PDE1C: variants seen among roughly 807,000 people sequenced by gnomAD.
PDE1C encodes dual specificity calcium/calmodulin-dependent 3',5'-cyclic nucleotide phosphodiesterase 1C.
Under a neutral mutation model 93.1 loss-of-function variants are expected in PDE1C, and 62 were observed. That is an observed-to-expected ratio of 0.67 (90% CI 0.54 to 0.82). The LOEUF is 0.82. Among genes scored for constraint, PDE1C ranks in the 40% least tolerant of loss-of-function variants. The pLI, the probability that PDE1C is intolerant of heterozygous loss-of-function variation, is 0.00. For synonymous variants in PDE1C, 325 were observed against 310.1 expected, an observed-to-expected ratio of 1.05 and a Z score of -0.50; for missense variants, 742 against 884.6, an observed-to-expected ratio of 0.84 and a Z score of 2.04.
chr7:31,859,786 G>T (rs916640008), intron 7 of PDE1C, among the ~76,000 whole-genome samples: 13 of 151,914 alleles, frequency 8.6e-5, no homozygotes, highest in East Asian at 3.9e-4. Context: ...TCAATTTACT[G>T]TTTATCTTTT....
intron 11 of PDE1C, among the ~76,000 whole-genome samples, chr7:31,830,453 G>A (rs1416986735): frequency 6.6e-6 from 1 of 152,110 alleles, no homozygotes; most frequent in Non-Finnish European, 1.5e-5. Context: ...TGCAGTAGGG[G>A]TTAAGATAAC....
At chr7:32,378,122 A>G (rs1004767780) in intron 1 of PDE1C, among the ~76,000 whole-genome samples, 2 of 152,134 alleles carry the variant, frequency 1.3e-5, no homozygotes, top group African/African-American at 4.8e-5. Context: ...CCATGTTAGG[A>G]GTCCTACCAA....
the PDE1C span, among the ~76,000 whole-genome samples, chr7:31,663,294 C>T: frequency 1.3e-5 from 2 of 152,330 alleles, no homozygotes; most frequent in East Asian, 3.9e-4. Context: ...CTGCTATCCC[C>T]AATTCCGCCA....
intron 1 of PDE1C, among the ~76,000 whole-genome samples, chr7:32,374,299 G>GAAAGAAAGAAAGAAAGAA (rs1562696081): frequency 6.7e-6 from 1 of 149,592 alleles, no homozygotes; most frequent in African/African-American, 2.5e-5. Context: ...AAGAAAGAAA[G>GAAAGAAAGAAAGAAAGAA]AAAGAAAGAA....
the PDE1C span, among the ~76,000 whole-genome samples, chr7:31,735,086 C>G: frequency 6.6e-6 from 1 of 152,146 alleles, no homozygotes; most frequent in African/African-American, 2.4e-5. Flanking sequence ...GATTTGTAAG[C>G]ACTTGATTAA....
intron 3 of PDE1C, among the ~76,000 whole-genome samples, chr7:32,078,919 C>T (rs1309188704): frequency 1.4e-5 from 2 of 143,988 alleles, no homozygotes; most frequent in Non-Finnish European, 1.5e-5. Context: ...GAGCAAGACT[C>T]ACTCTCTCAA....
chr7:32,241,829 A>G (rs563292654), intron 1 of PDE1C, among the ~76,000 whole-genome samples: 7 of 152,280 alleles, frequency 4.6e-5, no homozygotes, highest in Admixed American at 3.9e-4. Context: ...TGCTGTATCC[A>G]CAGAGAGGAG....
At chr7:31,643,513 AG>A in the PDE1C span, 1 of 1,614,044 alleles carries the variant, frequency 6.2e-7, no homozygotes, top group East Asian at 2.2e-5. Flanking sequence ...GATGTCCTCC[AG>A]CCTGGTGTCG....
At chr7:31,731,792 A>G in the PDE1C span, among the ~76,000 whole-genome samples, 1 of 152,250 alleles carries the variant, frequency 6.6e-6, no homozygotes, top group African/African-American at 2.4e-5. Flanking sequence ...TCTTGCCGTC[A>G]GCCAATGTGG....
At chr7:31,656,610 C>A in the PDE1C span, 2 of 435,066 alleles carry the variant, frequency 4.6e-6, no homozygotes, top group Non-Finnish European at 3.1e-6. Flanking sequence ...AATTATCAGT[C>A]TCAGGAGACA....
At chr7:31,714,685 G>A in the PDE1C span, among the ~76,000 whole-genome samples, 3 of 152,230 alleles carry the variant, frequency 2.0e-5, no homozygotes, top group Non-Finnish European at 4.4e-5. Context: ...AGCAAGCCAT[G>A]TCTTACATGG....
intron 17 of PDE1C, among the ~76,000 whole-genome samples, chr7:31,769,761 C>T (rs1795363451): frequency 6.6e-6 from 1 of 152,154 alleles, no homozygotes; most frequent in South Asian, 2.1e-4. Flanking sequence ...AGTCACTCTC[C>T]ACTCTCTTTT....
chr7:32,315,119 C>T (rs1232686479), intron 1 of PDE1C, among the ~76,000 whole-genome samples: 2 of 150,428 alleles, frequency 1.3e-5, no homozygotes, highest in Non-Finnish European at 1.5e-5. Context: ...AGAGCAAACA[C>T]AAAGTAGGAT....
At chr7:31,783,247 A>T (rs1334581373) in intron 16 of PDE1C, among the ~76,000 whole-genome samples, 1 of 152,198 alleles carries the variant, frequency 6.6e-6, no homozygotes, top group South Asian at 2.1e-4. Flanking sequence ...GAATGCTGAG[A>T]TTTCTTATGC....
chr7:32,326,789 G>A (rs183351930), intron 1 of PDE1C, among the ~76,000 whole-genome samples: 1 of 152,320 alleles, frequency 6.6e-6, no homozygotes, highest in Admixed American at 6.5e-5. Context: ...TAGATAAAAG[G>A]CGTCAAGAGA....
intron 16 of PDE1C, among the ~76,000 whole-genome samples, chr7:31,803,963 G>C (rs1786442321): frequency 6.6e-6 from 1 of 151,924 alleles, no homozygotes; most frequent in African/African-American, 2.4e-5. Flanking sequence ...GCTCCCTAAG[G>C]AATTGCCACA....
At chr7:31,888,553 G>A (rs186287928) in intron 2 of PDE1C, among the ~76,000 whole-genome samples, 1 of 152,120 alleles carries the variant, frequency 6.6e-6, no homozygotes, top group Admixed American at 6.5e-5. Flanking sequence ...AGATTCTGTG[G>A]ACATTTAGAA....
intron 2 of PDE1C, among the ~76,000 whole-genome samples, chr7:32,041,286 A>G (rs558380075): frequency 1.8e-4 from 28 of 152,304 alleles, no homozygotes; most frequent in African/African-American, 6.5e-4. Context: ...CCAAGTATGG[A>G]CAACTCCAAA....
At chr7:31,689,642 G>C in the PDE1C span, among the ~76,000 whole-genome samples, 1 of 152,066 alleles carries the variant, frequency 6.6e-6, no homozygotes, top group African/African-American at 2.4e-5. Flanking sequence ...GAAATGGAGA[G>C]TGAGTTGAGA....
Sources: gnomAD v4.1 joint callset for allele counts (sites outside exome capture counted in the v4.1 genomes callset) on GRCh38, gnomAD v4.1.1 for gene constraint, MANE v1.5 for transcripts, NCBI Gene and HGNC (gene_info 2026-07-23, HGNC 2026-07-21) for gene names.